Variants in GAS7 observed in about 807,000 individuals in gnomAD.
The protein encoded by GAS7 is growth arrest-specific protein 7.
A neutral mutation model predicts 71.1 loss-of-function variants in GAS7; 28 were observed. The ratio of observed to expected loss-of-function variants is 0.39; its 90% CI spans 0.29 to 0.54. GAS7 has a LOEUF of 0.54. Ranked by LOEUF, GAS7 falls within the 20% of genes least tolerant of loss-of-function variation. The pLI, the probability that GAS7 is intolerant of heterozygous loss-of-function variation, is 0.62. For missense variants in GAS7, 436 were observed against 627.8 expected (o/e 0.69, Z 3.27); for synonymous variants, 258 against 245.8 (o/e 1.05, Z -0.46).
At chr17:10,027,888 T>C (rs1006331640) in intron 1 of GAS7, among the ~76,000 whole-genome samples, 1 of 152,194 alleles carries the variant, frequency 6.6e-6, no homozygotes, top group Non-Finnish European at 1.5e-5. Context: ...GTTTTTTGTT[T>C]GTTTGTTTTG....
intron 2 of GAS7, among the ~76,000 whole-genome samples, chr17:10,005,082 C>CGTGTGTGCACGCATACATGCAT (rs1555617263): frequency 1.3e-3 from 198 of 148,208 alleles, no homozygotes; most frequent in Non-Finnish European, 2.6e-3. Context: ...CGCATACATG[C>CGTGTGTGCACGCATACATGCAT]GTGTGTGCAC....
At chr17:10,186,179 G>A (rs1200477369) in intron 1 of GAS7, among the ~76,000 whole-genome samples, 3 of 151,266 alleles carry the variant, frequency 2.0e-5, no homozygotes, top group East Asian at 2.0e-4. Flanking sequence ...GGATGGTCTC[G>A]ATCTCCTGAT....
intron 2 of GAS7, among the ~76,000 whole-genome samples, chr17:9,989,005 C>A (rs62065764): frequency 2.0e-5 from 3 of 151,952 alleles, no homozygotes; most frequent in Non-Finnish European, 4.4e-5. Context: ...CCTGCCACCA[C>A]GCCCGGCTAA....
chr17:10,017,595 C>T (rs1196256938), intron 2 of GAS7, among the ~76,000 whole-genome samples: 1 of 152,172 alleles, frequency 6.6e-6, no homozygotes, highest in Non-Finnish European at 1.5e-5. Context: ...TCCCAAAGTG[C>T]TGGGATTACA....
intron 1 of GAS7, among the ~76,000 whole-genome samples, chr17:10,040,629 T>C (rs2072845381): frequency 6.9e-6 from 1 of 145,276 alleles, no homozygotes; most frequent in Non-Finnish European, 1.5e-5. Flanking sequence ...AGAAAGGCAA[T>C]GCTCAAGCCT....
chr17:10,004,421 G>T (rs1249292945), intron 2 of GAS7, among the ~76,000 whole-genome samples: 1 of 152,034 alleles, frequency 6.6e-6, no homozygotes, highest in Non-Finnish European at 1.5e-5. Context: ...AGCTCACTCT[G>T]GTTATGTCCA....
At chr17:9,940,305 A>G in intron 7 of GAS7, 105 bp from the exon 8 acceptor site, 1 of 808,144 alleles carries the variant, frequency 1.2e-6, no homozygotes, top group Non-Finnish European at 2.2e-6. Context: ...CCACTAGACC[A>G]TAAGCTCTGA....
At chr17:10,143,866 G>A (rs758431266) in intron 1 of GAS7, among the ~76,000 whole-genome samples, 1 of 152,248 alleles carries the variant, frequency 6.6e-6, no homozygotes, top group Non-Finnish European at 1.5e-5. Context: ...GTGTCTGTCA[G>A]GTTGCATGGG....
At chr17:10,173,646 T>C (rs865859831) in intron 1 of GAS7, among the ~76,000 whole-genome samples, 16 of 151,968 alleles carry the variant, frequency 1.1e-4, no homozygotes, top group Middle Eastern at 3.2e-3. Flanking sequence ...CGGGTGCCAG[T>C]AGTCCCAGCT....
intron 1 of GAS7, among the ~76,000 whole-genome samples, chr17:10,054,667 G>A (rs2073111653): frequency 6.6e-6 from 1 of 152,170 alleles, no homozygotes; most frequent in African/African-American, 2.4e-5. Context: ...CTAACGAATT[G>A]AATACCACCC....
intron 1 of GAS7, among the ~76,000 whole-genome samples, chr17:10,134,919 G>A (rs981351348): frequency 6.6e-6 from 1 of 151,474 alleles, no homozygotes; most frequent in Admixed American, 6.6e-5. Context: ...TGTCACCTCC[G>A]GCTCCCAAGT....
At chr17:10,165,527 C>G (rs2074287835) in intron 1 of GAS7, among the ~76,000 whole-genome samples, 1 of 152,230 alleles carries the variant, frequency 6.6e-6, no homozygotes, top group African/African-American at 2.4e-5. Flanking sequence ...TCAATTTCTA[C>G]AGATTGCTCA....
At chr17:10,124,675 G>A (rs369223099) in intron 1 of GAS7, among the ~76,000 whole-genome samples, 3 of 152,176 alleles carry the variant, frequency 2.0e-5, no homozygotes, top group Non-Finnish European at 2.9e-5. Flanking sequence ...CAGCAGTTTG[G>A]GGGGGAGCTG....
chr17:10,017,985 T>G (rs537841429), intron 2 of GAS7, among the ~76,000 whole-genome samples: 2 of 152,284 alleles, frequency 1.3e-5, no homozygotes, highest in South Asian at 4.1e-4. Context: ...ATGACTTAAA[T>G]TAATAGAGTG....
intron 1 of GAS7, among the ~76,000 whole-genome samples, chr17:10,052,398 T>C: frequency 6.6e-6 from 1 of 152,060 alleles, no homozygotes; most frequent in Admixed American, 6.6e-5. Flanking sequence ...CATTAACTAG[T>C]GGGAGGGGTC....
intron 1 of GAS7, among the ~76,000 whole-genome samples, chr17:10,071,953 A>AAT (rs2073344441): frequency 6.6e-6 from 1 of 150,536 alleles, no homozygotes; most frequent in Non-Finnish European, 1.5e-5. Flanking sequence ...AAAAAAAAAA[A>AAT]GAAAAGAAAA....
intron 1 of GAS7, among the ~76,000 whole-genome samples, chr17:10,158,040 T>G (rs2074218175): frequency 6.6e-6 from 1 of 152,152 alleles, no homozygotes; most frequent in Non-Finnish European, 1.5e-5. Context: ...AGACGGAGTC[T>G]CGCTCTGTCA....
At chr17:10,128,907 G>C (rs891089053) in intron 1 of GAS7, among the ~76,000 whole-genome samples, 1 of 152,196 alleles carries the variant, frequency 6.6e-6, no homozygotes, top group African/African-American at 2.4e-5. Context: ...ACAGGCGTGA[G>C]TCACTGCACC....
chr17:10,140,244 G>A (rs531890739), intron 1 of GAS7, among the ~76,000 whole-genome samples: 22 of 152,256 alleles, frequency 1.4e-4, no homozygotes, highest in African/African-American at 5.3e-4. Context: ...GGAGGACTGC[G>A]TGTGCCTAGG....
Sources: allele counts gnomAD v4.1 joint callset (sites outside exome capture counted in the v4.1 genomes callset), GRCh38; gene constraint gnomAD v4.1.1; transcripts MANE v1.5; gene names NCBI Gene and HGNC (gene_info 2026-07-23, HGNC 2026-07-21).